VWCE: variants seen among roughly 807,000 people sequenced by gnomAD.
VWCE encodes the protein von Willebrand factor C and EGF domains, also known as von Willebrand factor C and EGF domain-containing protein.
Under a neutral mutation model 102.9 loss-of-function variants are expected in VWCE, and 68 were observed. That is an observed-to-expected ratio of 0.66 (90% CI 0.54 to 0.81). The LOEUF (loss-of-function observed/expected upper bound fraction) is 0.81. VWCE is among the 30% of genes least tolerant of loss of function. VWCE has a pLI of 0.00. For missense variants in VWCE, 1,137 were observed against 1,263.6 expected, an observed-to-expected ratio of 0.90 and a Z score of 1.52; for synonymous variants, 497 against 515.4, an observed-to-expected ratio of 0.96 and a Z score of 0.48.
At chr11:61,290,039 T>C (rs1423523570) in intron 4 of VWCE, among the ~76,000 whole-genome samples, 1 of 152,150 alleles carries the variant, frequency 6.6e-6, no homozygotes, top group Non-Finnish European at 1.5e-5. Flanking sequence ...AATTATTGAG[T>C]TTAGCGTCCC....
chr11:61,279,788 C>T (rs980176324), intron 9 of VWCE, among the ~76,000 whole-genome samples: 1 of 152,064 alleles, frequency 6.6e-6, no homozygotes. Context: ...TGCAGTGGCA[C>T]AAACATGGCT....
chr11:61,286,523 C>A, intron 4 of VWCE, 93 bp from the exon 5 acceptor site: 1 of 1,229,518 alleles, frequency 8.1e-7, no homozygotes, highest in South Asian at 1.2e-5. Flanking sequence ...CCCTTGCAGG[C>A]CGGGCATGGT....
chr11:61,295,091 G>C lies in VWCE; in HGVS notation c.-54C>G, dbSNP rs1855634700. 5 of 1,168,580 alleles carry C rather than the reference G, an allele frequency of 4.3e-6. No homozygotes were observed. The highest frequency in any genetic ancestry group is 5.5e-6 in the Non-Finnish European group (5 of 913,960). The allele number at this position is 1,168,580 out of a possible 1,614,324, so 72.4% of individuals were successfully genotyped here. A position where few individuals can be genotyped will look rare whatever the true frequency, so the allele number is the denominator to read the frequency against. ...GGCTCGGCTCCTGCGCCGCGCGCGG[G>C]AGAGGGGGCTGCCGGCCCTCGCCCC... On this transcript the variant is annotated 5_prime_UTR_variant, in exon 1 of 20. Transcript: ENST00000335613. This position sits in a 1 kb window ranked among gnomAD's most constrained non-coding sequence, Gnocchi z 4.6.
chr11:61,292,465 G>A lies in VWCE; in HGVS notation c.111-889C>T, dbSNP rs77162342. Among the ~76,000 whole-genome samples, 501 of 152,224 alleles carry A rather than the reference G, an allele frequency of 3.3e-3. 5 individuals carry two copies. Among genetic ancestry groups the A allele is most frequent in the African/African-American group, 0.012 (486 of 41,508 alleles). On this transcript the variant is annotated intron_variant, in intron 1 of 19. Transcript: ENST00000335613. The stretch of plus-strand genomic sequence containing the variant: ...GTTTCTTATCTATTTACCCCAGCAC[G>A]TACAGGAGTGCCTGGCATGTAGTAG...
chr11:61,266,715 C>CTTT (rs765446590), intron 16 of VWCE, among the ~76,000 whole-genome samples: 3 of 152,146 alleles, frequency 2.0e-5, no homozygotes, highest in Non-Finnish European at 4.4e-5. Context: ...GGGATCTGAG[C>CTTT]AAAGACTCTC....
At position 61,280,775 on chromosome 11, in the gene VWCE, G is replaced by A. The variant is rs575971483; in HGVS notation, c.1230+18C>T. On this transcript the variant is annotated intron_variant, in intron 8 of 19. Transcript: ENST00000335613. ...AAGGCCCCAGACCAAGGAAGCTCCG[G>A]GGACCCCTAGTACCCACCTCGCACC... 2.5e-6 allele frequency: 4 copies of A among 1,610,350 alleles called. No homozygotes were observed. Among genetic ancestry groups the A allele is most frequent in the Middle Eastern group, 1.7e-4 (1 of 6,042 alleles).
intron 19 of VWCE, among the ~76,000 whole-genome samples, chr11:61,263,261 C>A (rs186662464): frequency 2.0e-5 from 3 of 150,356 alleles, no homozygotes; most frequent in Non-Finnish European, 4.4e-5. Context: ...GAGCTGAGAT[C>A]GCGCCACTGC....
chr11:61,258,737 T>G lies in VWCE; in HGVS notation c.2806A>C (p.Thr936Pro). 4 of 1,368,820 alleles carry G rather than the reference T, an allele frequency of 2.9e-6. No individual in the cohort carries two copies. Among genetic ancestry groups the G allele is most frequent in the Admixed American group, 2.8e-5 (1 of 35,622 alleles). 84.8% of individuals were successfully genotyped at this position (1,368,820 alleles called of 1,614,324 possible). A position where few individuals can be genotyped will look rare whatever the true frequency, so the allele number is the denominator to read the frequency against. ...GGGGGCTGCTGGGGGCCAGGGTGGG[T>G]GGTGGCTGCAAGGGCTGTGGAGAGT... ...SRLSTALAATTHPGPQQPPVG... is the reference protein window; with the variant it reads ...SRLSTALAATPHPGPQQPPVG... Residue 936 changes from threonine to proline, a missense_variant, in exon 20 of 20, where the codon ACC (threonine) becomes CCC (proline). Transcript: ENST00000335613.
intron 2 of VWCE, 30 bp from the exon 3 acceptor site, chr11:61,291,383 G>A: frequency 6.2e-7 from 1 of 1,603,988 alleles, no homozygotes; most frequent in Non-Finnish European, 8.5e-7. Flanking sequence ...TGAGACACGA[G>A]GAACTGGGGC....
chr11:61,290,547 C>A (rs1855468889), intron 4 of VWCE, among the ~76,000 whole-genome samples: 2 of 151,412 alleles, frequency 1.3e-5, no homozygotes, highest in African/African-American at 4.9e-5. Flanking sequence ...TAACAGGGAC[C>A]AACTGTGGCT....
Position 61,259,233 on chromosome 11 carries a change from C to T in VWCE, c.2310G>A (p.Leu770=). The T allele has an allele frequency of 6.2e-7, 1 of 1,613,698 alleles. No homozygotes were observed. The highest frequency in any genetic ancestry group is 8.5e-7 in the Non-Finnish European group (1 of 1,179,704). ...NVAFSKAGRS[L]HGDTEAPVNC... The stretch of plus-strand genomic sequence containing the variant: ...TGACAGGGGCCTCAGTGTCTCCATG[C>T]AGGCTCCGACCAGCTTTGCTGAATG... Residue 770 remains leucine (L), a synonymous_variant, in exon 20 of 20, where the codon CTG becomes CTA. Coordinates refer to ENST00000335613, the MANE Select transcript of VWCE (RefSeq NM_152718.2).
At position 61,267,548 on chromosome 11, in the gene VWCE, C is replaced by T; in HGVS notation, c.1883-4G>A. ...ATTCTGCCTGTGTAGGTGCAGCCTG[C>T]CAGAGAGAGCATGCGCTGAGCACCA... On this transcript the variant is annotated splice_polypyrimidine_tract_variant and splice_region_variant and intron_variant, in intron 15 of 19. Coordinates refer to ENST00000335613, the MANE Select transcript of VWCE (RefSeq NM_152718.2). The T allele has an allele frequency of 6.2e-7, 1 of 1,613,980 alleles. No individual in the cohort carries two copies. The highest frequency in any genetic ancestry group is 1.3e-5 in the African/African-American group (1 of 75,026).
chr11:61,281,944 C>T, intron 6 of VWCE, 30 bp from the exon 7 acceptor site: 2 of 1,601,960 alleles, frequency 1.2e-6, no homozygotes, highest in Non-Finnish European at 1.7e-6. Context: ...CGGACAGCTG[C>T]TTTGTTTGGG....
At chr11:61,282,454 C>A (rs188899379) in intron 6 of VWCE, 2 of 252,768 alleles carry the variant, frequency 7.9e-6, no homozygotes, top group African/African-American at 2.2e-5. Flanking sequence ...CCAGAGGAAC[C>A]AAGACATAAC....
chr11:61,291,333 CACAGCCGAAGG>C lies in VWCE; in HGVS notation c.215_225del (p.Ser72TrpfsTer35). 6.2e-7 allele frequency: 1 copy of C among 1,613,030 alleles called. No homozygotes were observed. Among genetic ancestry groups the C allele is most frequent in the Non-Finnish European group, 8.5e-7 (1 of 1,179,540 alleles). On this transcript the variant is annotated frameshift_variant, in exon 3 of 20. Transcript: ENST00000335613. LOFTEE classifies it high-confidence loss of function. ...TTGGGAGCGATGCAGATGCCACTCC[CACAGCCGAAGG>C]AGCAGAGGGCTGAGAGGAGAAGTGC... is the stretch of plus-strand genomic sequence containing the variant.
rs774088985 is a variant in VWCE at position 61,282,763 on chromosome 11, A to G, written c.658+26T>C. On this transcript the variant is annotated intron_variant, in intron 6 of 19. Transcript: ENST00000335613. ...CTCCTGATTGGCAGCCTAAGTGTGC[A>G]GACCACAGGGTCCTCCCCGCCTTAC... 5.0e-6 allele frequency: 8 copies of G among 1,593,706 alleles called. No individual in the cohort carries two copies. The Admixed American group carries it at 1.3e-4, about 27-fold the overall frequency.
At chr11:61,277,291 T>C (rs545218732) in intron 10 of VWCE, among the ~76,000 whole-genome samples, 1 of 152,020 alleles carries the variant, frequency 6.6e-6, no homozygotes, top group East Asian at 1.9e-4. Context: ...GCATCCACCT[T>C]TGATGCCAGA....
At chr11:61,283,898 A>G (rs1019144100) in intron 5 of VWCE, among the ~76,000 whole-genome samples, 3 of 152,268 alleles carry the variant, frequency 2.0e-5, no homozygotes, top group African/African-American at 7.2e-5. Context: ...AAAACTGGAA[A>G]TAATCTCCAT....
At chr11:61,259,945 A>G (rs1854304833) in intron 19 of VWCE, among the ~76,000 whole-genome samples, 1 of 152,228 alleles carries the variant, frequency 6.6e-6, no homozygotes, top group Admixed American at 6.5e-5. Context: ...TCACGTCCCA[A>G]TAAACCTGTA....
Sources: gnomAD v4.1 joint callset for allele counts (sites outside exome capture counted in the v4.1 genomes callset) on GRCh38, gnomAD v4.1.1 for gene constraint, Gnocchi (gnomAD v3.1) non-coding constraint, MANE v1.5 for transcripts, NCBI Gene and HGNC (gene_info 2026-07-23, HGNC 2026-07-21) for gene names.